The following SCIMP variants were observed in gnomAD, a reference collection of about 807,000 sequenced individuals.
SCIMP encodes the protein SLP adaptor and CSK interacting membrane protein, also known as SLP adapter and CSK-interacting membrane protein.
SCIMP carries 18 observed loss-of-function variants against 22.0 expected under a neutral mutation model. The observed-to-expected ratio is 0.82, with a 90% CI of 0.56 to 1.21. The LOEUF (loss-of-function observed/expected upper bound fraction) is 1.21. Ranked by LOEUF, SCIMP falls within the 50% of genes most tolerant of loss-of-function variation. SCIMP has a pLI of 0.00. For synonymous variants in SCIMP, 53 were observed against 62.2 expected (o/e 0.85, Z 0.70); for missense variants, 155 against 171.2 (o/e 0.91, Z 0.53).
rs1359101946 is a variant in SCIMP, at chr17:5,210,697, G to T, written c.*104C>A. 6.9e-6 allele frequency: 10 copies of T among 1,445,652 alleles called. No homozygotes were observed. The highest frequency in any genetic ancestry group is 9.3e-6 in the Non-Finnish European group (10 of 1,075,422). 89.6% of individuals were successfully genotyped at this position (1,445,652 alleles called of 1,614,324 possible). On this transcript the variant is annotated 3_prime_UTR_variant, in exon 5 of 5. Coordinates refer to ENST00000574081, the MANE Select transcript of SCIMP (RefSeq NM_207103.3). Reference sequence around the variant, plus strand: ...ATAGAGCTTCATAAAATCACCACTGGCTTTCAGGGCCCAGAGACCTACTGA... The same window carrying T: ...ATAGAGCTTCATAAAATCACCACTGTCTTTCAGGGCCCAGAGACCTACTGA...
chr17:5,217,261 G>T (rs2074571695), intron 3 of SCIMP, among the ~76,000 whole-genome samples: 1 of 152,020 alleles, frequency 6.6e-6, no homozygotes. Context: ...GAGACCTGAG[G>T]TTTTCCGGAG....
intron 1 of SCIMP, among the ~76,000 whole-genome samples, chr17:5,230,929 A>C (rs1340244119): frequency 6.6e-6 from 1 of 152,180 alleles, no homozygotes; most frequent in Non-Finnish European, 1.5e-5. Flanking sequence ...TTATAGAGTG[A>C]GACCCTGTCT....
chr17:5,210,123 A>G lies in SCIMP; in HGVS notation c.*678T>C, dbSNP rs2074516064. 1 of 152,168 alleles carries G rather than the reference A, an allele frequency of 6.6e-6. No individual in the cohort carries two copies. Among genetic ancestry groups the G allele is most frequent in the Admixed American group, 6.6e-5 (1 of 15,260 alleles). The allele number at this position is 152,168 out of a possible 1,614,324, so 9.4% of individuals were successfully genotyped here. A position where few individuals can be genotyped will look rare whatever the true frequency, so the allele number is the denominator to read the frequency against. ...GTCCATTGTTACAGTACAACTTGCA[A>G]GCACGGGGAGAAAACCTAGGTGAAA... On this transcript the variant is annotated 3_prime_UTR_variant, in exon 5 of 5. Coordinates refer to ENST00000574081, the MANE Select transcript of SCIMP (RefSeq NM_207103.3).
rs2074732078 is a variant in SCIMP at position 5,234,854 on chromosome 17, A to G, written c.-99T>C. ...CTCACAGGCCTTCACCCACTGCTAG[A>G]GACAGTGAGCCCCATCCTGACCACT... On this transcript the variant is annotated 5_prime_UTR_variant, in exon 1 of 5. Transcript: ENST00000574081. 6.4e-7 allele frequency: 1 copy of G among 1,551,306 alleles called. No individual in the cohort carries two copies. Among genetic ancestry groups the G allele is most frequent in the Non-Finnish European group, 8.7e-7 (1 of 1,148,544 alleles).
chr17:5,232,858 C>T (rs1158916528), intron 1 of SCIMP, among the ~76,000 whole-genome samples: 1 of 152,098 alleles, frequency 6.6e-6, no homozygotes, highest in African/African-American at 2.4e-5. Flanking sequence ...TACCGACACG[C>T]ACCACCATAC....
In SCIMP at chr17:5,210,838, A is replaced by T. The variant is rs2074520954; in HGVS notation, c.401T>A (p.Val134Asp). Residue 134 changes from valine (V) to aspartate (D), a missense_variant, in exon 5 of 5, where the codon GTT becomes GAT. Physicochemically the swap from Val to Asp is radical, Grantham distance 152. Transcript: ENST00000574081. ...TTTTTCAGTATTTGCAGGGATTTCA[A>T]CATCGTCATAGTCATCTTCAGGCTC... is the stretch of plus-strand genomic sequence containing the variant. ...YIEPEDDYDD[V>D]EIPANTEKAS... The T allele has an allele frequency of 6.2e-7, 1 of 1,611,340 alleles. No individual in the cohort carries two copies. Among genetic ancestry groups the T allele is most frequent in the Non-Finnish European group, 8.5e-7 (1 of 1,179,394 alleles).
intron 1 of SCIMP, among the ~76,000 whole-genome samples, chr17:5,228,359 A>AAT (rs398119649): frequency 2.3e-4 from 35 of 150,030 alleles, no homozygotes; most frequent in Middle Eastern, 3.4e-3. Flanking sequence ...AAAAAAAAAA[A>AAT]TGCATTGAGC....
chr17:5,210,547 T>C lies in SCIMP; in HGVS notation c.*254A>G. On this transcript the variant is annotated 3_prime_UTR_variant, in exon 5 of 5. Coordinates refer to ENST00000574081, the MANE Select transcript of SCIMP (RefSeq NM_207103.3). ...GCCCCGTGGTCCTTCCCATGGAAAG[T>C]TTCCTCAACAGCACAAGGCTGACCC... 1 of 381,994 alleles carries C rather than the reference T, an allele frequency of 2.6e-6. No individual in the cohort carries two copies. The highest frequency in any genetic ancestry group is 4.6e-6 in the Non-Finnish European group (1 of 216,592). 23.7% of individuals were successfully genotyped at this position (381,994 alleles called of 1,614,324 possible).
intron 2 of SCIMP, among the ~76,000 whole-genome samples, chr17:5,222,152 C>T (rs992364675): frequency 2.0e-5 from 3 of 150,228 alleles, no homozygotes; most frequent in Admixed American, 6.7e-5. Context: ...GGCAGTGATG[C>T]GATCTCGGCT....
chr17:5,232,072 A>G (rs193101142), intron 1 of SCIMP, among the ~76,000 whole-genome samples: 1 of 152,082 alleles, frequency 6.6e-6, no homozygotes, highest in Non-Finnish European at 1.5e-5. Flanking sequence ...AAAAAAAAAA[A>G]ACTGGTCACC....
intron 1 of SCIMP, among the ~76,000 whole-genome samples, chr17:5,231,550 C>G (rs2074694304): frequency 6.6e-6 from 1 of 152,092 alleles, no homozygotes; most frequent in African/African-American, 2.4e-5. Context: ...TGTGAACCTG[C>G]ATCCTATGAA....
chr17:5,224,161 GTCTCGC>G (rs2074629641), intron 1 of SCIMP, among the ~76,000 whole-genome samples: 1 of 152,192 alleles, frequency 6.6e-6, no homozygotes, highest in African/African-American at 2.4e-5. Flanking sequence ...TTGAGACGGA[GTCTCGC>G]TCTGTAACTC....
At chr17:5,229,542 C>T (rs550084043) in intron 1 of SCIMP, among the ~76,000 whole-genome samples, 6 of 151,730 alleles carry the variant, frequency 4.0e-5, no homozygotes, top group South Asian at 2.1e-4. Flanking sequence ...TACAGTCGCA[C>T]GCCACCATGC....
chr17:5,211,886 A>C (rs909472444), intron 4 of SCIMP, among the ~76,000 whole-genome samples: 1 of 152,032 alleles, frequency 6.6e-6, no homozygotes, highest in African/African-American at 2.4e-5. Context: ...CTGTCTCTAC[A>C]AAAATACAAA....
chr17:5,231,139 C>T (rs1014341426), intron 1 of SCIMP, among the ~76,000 whole-genome samples: 1 of 152,108 alleles, frequency 6.6e-6, no homozygotes, highest in Non-Finnish European at 1.5e-5. Flanking sequence ...GTAGGCAGAT[C>T]ACCTGAAGTC....
chr17:5,210,667 A>G lies in SCIMP; in HGVS notation c.*134T>C, dbSNP rs1055018488. 95 of 1,229,376 alleles carry G rather than the reference A, an allele frequency of 7.7e-5. No individual in the cohort carries two copies. Among genetic ancestry groups the G allele is most frequent in the Non-Finnish European group, 1.0e-4 (91 of 893,778 alleles). 76.2% of individuals were successfully genotyped at this position (1,229,376 alleles called of 1,614,324 possible). On this transcript the variant is annotated 3_prime_UTR_variant, in exon 5 of 5. Transcript: ENST00000574081. ...TCATCTAAGGTTTGGGAAGTGCTTT[A>G]TCTTATAGAGCTTCATAAAATCACC...
In SCIMP at chr17:5,221,276, C is replaced by T. The variant is rs192594848; in HGVS notation, c.209+11G>A. On this transcript the variant is annotated intron_variant, in intron 3 of 4. Transcript: ENST00000574081. ...CAACAGTAAAAAGCGGAAGGATTCC[C>T]CCCTACTTACTCATACATCTTTTCT... 2.2e-4 allele frequency: 350 copies of T among 1,603,936 alleles called. 3 individuals carry two copies. Among genetic ancestry groups the T allele is most frequent in the Middle Eastern group, 1.7e-3 (10 of 6,040 alleles).
chr17:5,230,251 G>A (rs2074683945), intron 1 of SCIMP, among the ~76,000 whole-genome samples: 1 of 152,184 alleles, frequency 6.6e-6, no homozygotes, highest in South Asian at 2.1e-4. Context: ...GTGTGCAGAA[G>A]ATCACCAAGC....
Position 5,214,950 on chromosome 17 carries a change from C to A in SCIMP, c.258G>T (p.Arg86Ser), listed in dbSNP as rs2074555126. Residue 86 changes from arginine (R) to serine (S), a missense_variant, in exon 4 of 5, where the codon AGG becomes AGT. Arg to Ser is a moderately radical substitution (Grantham distance 110). Coordinates refer to ENST00000574081, the MANE Select transcript of SCIMP (RefSeq NM_207103.3). ...AAGAGTCTTCTAGAGAAGGCCAATTCCTCGGTGGCAGAGGCGGTAATTGAA... is the reference window on the plus strand; with the variant it reads ...AAGAGTCTTCTAGAGAAGGCCAATTACTCGGTGGCAGAGGCGGTAATTGAA... Reference protein sequence around the residue: ...SPVQLPPLPPRNWPSLEDSSP... With the variant: ...SPVQLPPLPPSNWPSLEDSSP... 2 of 1,608,964 alleles carry A rather than the reference C, an allele frequency of 1.2e-6. No individual in the cohort carries two copies. The highest frequency in any genetic ancestry group is 3.3e-5 in the Admixed American group (2 of 59,936).
Sources: allele counts gnomAD v4.1 joint callset (sites outside exome capture counted in the v4.1 genomes callset), GRCh38; gene constraint gnomAD v4.1.1; transcripts MANE v1.5; gene names NCBI Gene and HGNC (gene_info 2026-07-23, HGNC 2026-07-21).